Variants in PKD2 observed in about 807,000 individuals in gnomAD.
PKD2 encodes the protein polycystin-2.
Under a neutral mutation model 105.9 loss-of-function variants are expected in PKD2, and 48 were observed. That is an observed-to-expected ratio of 0.45 (90% CI 0.36 to 0.58). The LOEUF (loss-of-function observed/expected upper bound fraction) is 0.58. Ranked by LOEUF, PKD2 falls within the 20% of genes least tolerant of loss-of-function variation. The pLI is 0.00. For missense variants in PKD2, 1,078 were observed against 1,255.3 expected (o/e 0.86, Z 2.13); for synonymous variants, 464 against 481.1 (o/e 0.96, Z 0.46).
At chr4:88,058,444 A>G (rs1008013330) in intron 9 of PKD2, among the ~76,000 whole-genome samples, 1 of 152,200 alleles carries the variant, frequency 6.6e-6, no homozygotes, top group African/African-American at 2.4e-5. Flanking sequence ...GATACCTAAA[A>G]TAGTGCTTTG....
At chr4:88,075,053 G>C in intron 14 of PKD2, 94 bp downstream of exon 14, 1 of 1,383,236 alleles carries the variant, frequency 7.2e-7, no homozygotes, top group Non-Finnish European at 1.0e-6. Context: ...TATTGAAGAA[G>C]AGTAAAAAAA....
chr4:88,017,517 C>A (rs894714538), intron 1 of PKD2, among the ~76,000 whole-genome samples: 6 of 152,164 alleles, frequency 3.9e-5, no homozygotes, highest in Middle Eastern at 3.2e-3. Flanking sequence ...TCAACCGATT[C>A]TTCTGCCTCA....
chr4:88,072,170 A>G (rs1721061448), intron 13 of PKD2, among the ~76,000 whole-genome samples: 1 of 151,470 alleles, frequency 6.6e-6, no homozygotes, highest in South Asian at 2.1e-4. Flanking sequence ...TTTTATAGAG[A>G]TGGGGTTTTA....
In PKD2 at chr4:88,041,195, A is replaced by G. The variant is rs181350062; in HGVS notation, c.1095-2038A>G. ...TTGCCCTGAAAGAGACTCCAGAGTC[A>G]TTTTTGAGCCATGTTTCCTCCTTGC... is the stretch of plus-strand genomic sequence containing the variant. On this transcript the variant is annotated intron_variant, in intron 4 of 14. Transcript: ENST00000237596. Among the ~76,000 whole-genome samples the G allele has an allele frequency of 2.8e-3, 424 of 152,286 alleles. 4 individuals carry two copies. Among genetic ancestry groups the G allele is most frequent in the African/African-American group, 9.8e-3 (406 of 41,556 alleles).
chr4:88,058,616 A>G (rs558324482), intron 9 of PKD2, among the ~76,000 whole-genome samples: 21 of 152,318 alleles, frequency 1.4e-4, no homozygotes, highest in African/African-American at 4.3e-4. Flanking sequence ...TGAGTGAATC[A>G]TTGCATGTCA....
At chr4:88,040,235 C>T (rs1324039906) in intron 4 of PKD2, among the ~76,000 whole-genome samples, 1 of 152,184 alleles carries the variant, frequency 6.6e-6, no homozygotes, top group Non-Finnish European at 1.5e-5. Flanking sequence ...TACTAAACCT[C>T]TTCCATATTA....
chr4:88,025,831 G>C (rs1056308001), intron 2 of PKD2, among the ~76,000 whole-genome samples: 2 of 152,002 alleles, frequency 1.3e-5, no homozygotes, highest in Non-Finnish European at 2.9e-5. Context: ...CTGGTTGTTT[G>C]GTAGGTGTCT....
intron 4 of PKD2, among the ~76,000 whole-genome samples, chr4:88,041,671 G>C (rs1429833682): frequency 6.6e-6 from 1 of 152,188 alleles, no homozygotes; most frequent in Non-Finnish European, 1.5e-5. Context: ...TGACTAGCAT[G>C]TGCCAAAATT....
intron 1 of PKD2, among the ~76,000 whole-genome samples, chr4:88,018,720 G>A (rs1220857403): frequency 2.0e-5 from 3 of 152,158 alleles, no homozygotes; most frequent in South Asian, 2.1e-4. Flanking sequence ...CCAGCCCAAC[G>A]CTTTTTCCAT....
chr4:88,045,945 T>A (rs1239723191), intron 5 of PKD2, among the ~76,000 whole-genome samples: 1 of 152,154 alleles, frequency 6.6e-6, no homozygotes, highest in East Asian at 1.9e-4. Context: ...AGTGGATGGT[T>A]TATATTTCTT....
At chr4:88,075,064 A>AT (rs1280766172) in intron 14 of PKD2, 105 bp downstream of exon 14, 3 of 1,245,714 alleles carry the variant, frequency 2.4e-6, no homozygotes, top group Non-Finnish European at 3.4e-6. Context: ...AGTAAAAAAA[A>AT]TTTACGTTTA....
chr4:88,049,879 A>C (rs1578137852), intron 6 of PKD2, among the ~76,000 whole-genome samples: 1 of 152,146 alleles, frequency 6.6e-6, no homozygotes, highest in East Asian at 1.9e-4. Flanking sequence ...TAGTCTTTCA[A>C]AACTAGAAGA....
chr4:88,070,623 G>GAGAGAGAGAA (rs1720995295), intron 13 of PKD2, among the ~76,000 whole-genome samples: 2 of 146,114 alleles, frequency 1.4e-5, no homozygotes, highest in Non-Finnish European at 3.0e-5. Context: ...GAGAGAGAGA[G>GAGAGAGAGAA]AGAGAAAGAG....
intron 9 of PKD2, among the ~76,000 whole-genome samples, chr4:88,060,227 G>A (rs1720519428): frequency 6.6e-6 from 1 of 152,174 alleles, no homozygotes; most frequent in Non-Finnish European, 1.5e-5. Flanking sequence ...GAAGAGAGAA[G>A]GTAGAAGGTG....
In PKD2 at chr4:88,067,940, A is replaced by T; in HGVS notation, c.2401A>T (p.Ser801Cys). ...TCACAGTTCTTTACCACGTCCCATG[A>T]GCAGCCGAAGTTTCCCTCGAAGCCT... ...LDHSSLPRPM[S>C]SRSFPRSLDD... Residue 801 changes from serine (S) to cysteine (C), a missense_variant, in exon 13 of 15, where the codon AGC becomes TGC. By Grantham distance (112) the Ser-to-Cys change is moderately radical. This residue lies in a region of PKD2 where 868 missense variants were observed against 1,067.3 expected (regional missense o/e 0.81). Transcript: ENST00000237596. 1 of 1,614,076 alleles carries T rather than the reference A, an allele frequency of 6.2e-7. No homozygotes were observed.
At chr4:88,062,193 T>G (rs557420707) in intron 10 of PKD2, among the ~76,000 whole-genome samples, 189 bp downstream of exon 10, 1 of 152,366 alleles carries the variant, frequency 6.6e-6, no homozygotes, top group East Asian at 1.9e-4. Flanking sequence ...ATCTTGAATT[T>G]TAATTCTGGG....
chr4:88,024,624 ATAGTT>A (rs1269076777), intron 2 of PKD2, among the ~76,000 whole-genome samples: 1 of 152,136 alleles, frequency 6.6e-6, no homozygotes, highest in East Asian at 1.9e-4. Context: ...AAATCTATAT[ATAGTT>A]TAAACACATT....
chr4:88,018,704 A>G (rs967868131), intron 1 of PKD2, among the ~76,000 whole-genome samples: 2 of 152,174 alleles, frequency 1.3e-5, no homozygotes, highest in African/African-American at 4.8e-5. Context: ...CGTCATCTTC[A>G]CTCAGCCAGC....
intron 12 of PKD2, among the ~76,000 whole-genome samples, chr4:88,067,032 C>A (rs1041188216): frequency 6.6e-6 from 1 of 152,176 alleles, no homozygotes; most frequent in Admixed American, 6.5e-5. Flanking sequence ...GACATTACAT[C>A]TTTCCTACTT....
Sources: allele counts gnomAD v4.1 joint callset (sites outside exome capture counted in the v4.1 genomes callset), GRCh38; gene constraint gnomAD v4.1.1; regional missense constraint gnomAD v4.1.1; transcripts MANE v1.5; gene names NCBI Gene and HGNC (gene_info 2026-07-23, HGNC 2026-07-21).